ARV1: variants seen among roughly 807,000 people sequenced by gnomAD.
The protein encoded by ARV1 is ARV1 fatty acid homeostasis modulator.
ARV1 carries 26 observed loss-of-function variants against 31.1 expected under a neutral mutation model. The ratio of observed to expected loss-of-function variants is 0.84; its 90% CI spans 0.61 to 1.16. The LOEUF is 1.16. Among genes scored for constraint, ARV1 ranks in the 50% most tolerant of loss-of-function variants. The probability of loss-of-function intolerance (pLI) is 0.00; values close to 1 mark genes in which losing one functional copy is unlikely to be tolerated. For synonymous variants in ARV1, 117 were observed against 123.2 expected, an observed-to-expected ratio of 0.95 and a Z score of 0.34; for missense variants, 281 against 324.9, an observed-to-expected ratio of 0.86 and a Z score of 1.04.
In ARV1 at chr1:230,990,222, A is replaced by G; in HGVS notation, c.407A>G (p.Lys136Arg). 1 of 1,613,094 alleles carries G rather than the reference A, an allele frequency of 6.2e-7. No homozygotes were observed. ...TAPDDLIRYA[K>R]EWDFYRMFAI... Reference sequence around the variant, plus strand: ...CCTGATGACTTGATCAGATATGCTAAGGAATGGGATTTCTATAGAATGTTT... The same window carrying G: ...CCTGATGACTTGATCAGATATGCTAGGGAATGGGATTTCTATAGAATGTTT... Residue 136 changes from lysine to arginine, a missense_variant, in exon 3 of 6, where the codon AAG becomes AGG. Lys to Arg is a conservative substitution (Grantham distance 26). Coordinates refer to ENST00000310256, the MANE Select transcript of ARV1 (RefSeq NM_022786.3).
At chr1:230,994,164 CTGAT>C (rs566868055) in intron 3 of ARV1, among the ~76,000 whole-genome samples, 102 of 152,292 alleles carry the variant, frequency 6.7e-4, no homozygotes, top group African/African-American at 2.4e-3. Flanking sequence ...CTGAACTGAC[CTGAT>C]TGATGAGAGC....
chr1:230,980,723 G>A (rs1324379134), intron 1 of ARV1, among the ~76,000 whole-genome samples: 6 of 150,554 alleles, frequency 4.0e-5, no homozygotes, highest in Non-Finnish European at 7.4e-5. Context: ...GCCTTCTGCT[G>A]GATCATTCCC....
chr1:230,990,633 C>T, intron 3 of ARV1: 1 of 354,110 alleles, frequency 2.8e-6, no homozygotes, highest in Non-Finnish European at 5.7e-6. Context: ...CAGCTCACTG[C>T]AGCCCTGAAC....
Position 230,984,373 on chromosome 1 carries a change from T to TGC in ARV1, c.175-3946_175-3945insCG, listed in dbSNP as rs1332620394. Among the ~76,000 whole-genome samples, 674 of 111,104 alleles carry TGC rather than the reference T, an allele frequency of 6.1e-3. 5 individuals are homozygous for TGC. The highest frequency in any genetic ancestry group is 0.02 in the African/African-American group (600 of 29,954). 72.9% of individuals were successfully genotyped at this position (111,104 alleles called of 152,430 possible). ...GTGTGTGTGTGTGTGCGTGTGTGTG[T>TGC]GTGTGTGTGTGTGTGTGTGTGTGTG... On this transcript the variant is annotated intron_variant, in intron 1 of 5. Transcript: ENST00000310256.
At chr1:230,982,915 G>C (rs1234532036) in intron 1 of ARV1, among the ~76,000 whole-genome samples, 2 of 152,068 alleles carry the variant, frequency 1.3e-5, no homozygotes, top group African/African-American at 4.8e-5. Context: ...CGAACTTGGA[G>C]TCAGCAAGAT....
In ARV1 at chr1:230,993,629, T is replaced by G. The variant is rs921803470; in HGVS notation, c.449-2131T>G. Among the ~76,000 whole-genome samples the G allele has an allele frequency of 2.0e-5, 3 of 152,154 alleles. No homozygotes were observed. The East Asian group carries it at 5.8e-4, about 29-fold the overall frequency. On this transcript the variant is annotated intron_variant, in intron 3 of 5. Coordinates refer to ENST00000310256, the MANE Select transcript of ARV1 (RefSeq NM_022786.3). ...GAATATCTTGGCCGGGCGTGGTACCTCACACCTGTAATCCCAGCACTTTGG... is the reference window on the plus strand; with the variant it reads ...GAATATCTTGGCCGGGCGTGGTACCGCACACCTGTAATCCCAGCACTTTGG...
intron 1 of ARV1, among the ~76,000 whole-genome samples, chr1:230,984,380 G>T (rs1679002192): frequency 6.6e-6 from 1 of 151,402 alleles, no homozygotes; most frequent in Non-Finnish European, 1.5e-5. Context: ...GTGTGTGTGT[G>T]TGTGTGTGTG....
At chr1:230,988,985 A>T (rs1039760090) in intron 2 of ARV1, among the ~76,000 whole-genome samples, 7 of 152,168 alleles carry the variant, frequency 4.6e-5, no homozygotes, top group Non-Finnish European at 1.0e-4. Context: ...CAGATAACAT[A>T]CAGGACAGTC....
intron 1 of ARV1, among the ~76,000 whole-genome samples, chr1:230,984,359 TGTGC>T (rs1553303943): frequency 0.012 from 1,104 of 93,450 alleles, 6 homozygotes; most frequent in South Asian, 0.036. Context: ...TGTGTGTGTG[TGTGC>T]GTGTGTGTGT....
intron 5 of ARV1, among the ~76,000 whole-genome samples, chr1:230,999,129 T>C (rs1317188914): frequency 6.6e-6 from 1 of 152,174 alleles, no homozygotes; most frequent in East Asian, 1.9e-4. Flanking sequence ...CTGTGTACTT[T>C]CCTTCCAGGC....
At chr1:230,991,320 G>A (rs1319475574) in intron 3 of ARV1, among the ~76,000 whole-genome samples, 2 of 151,818 alleles carry the variant, frequency 1.3e-5, no homozygotes, top group African/African-American at 4.8e-5. Flanking sequence ...GTCTGCTCTC[G>A]CTCTCTTGGT....
At chr1:230,980,292 T>G (rs896332384) in intron 1 of ARV1, among the ~76,000 whole-genome samples, 9 of 152,114 alleles carry the variant, frequency 5.9e-5, no homozygotes, top group African/African-American at 2.2e-4. Flanking sequence ...TAACCTCATA[T>G]AGGCCTTTCA....
intron 3 of ARV1, among the ~76,000 whole-genome samples, 153 bp downstream of exon 3, chr1:230,990,416 G>T (rs554353181): frequency 7.0e-4 from 106 of 152,308 alleles, no homozygotes; most frequent in Non-Finnish European, 1.3e-3. Context: ...ACTAACCTAC[G>T]AGGTGAGTGT....
At chr1:230,981,320 A>C (rs541440909) in intron 1 of ARV1, among the ~76,000 whole-genome samples, 1 of 152,248 alleles carries the variant, frequency 6.6e-6, no homozygotes, top group East Asian at 1.9e-4. Context: ...TCCAGACTTA[A>C]ATGTCCAACT....
chr1:230,980,763 C>CAA (rs35414845), intron 1 of ARV1, among the ~76,000 whole-genome samples: 74 of 138,532 alleles, frequency 5.3e-4, no homozygotes, highest in East Asian at 1.8e-3. Context: ...CTTCTTCCAT[C>CAA]AAAAAAAAAA....
At chr1:230,984,361 T>TGTGTGCGC (rs10628275) in intron 1 of ARV1, among the ~76,000 whole-genome samples, 1 of 103,338 alleles carries the variant, frequency 9.7e-6, no homozygotes, top group Non-Finnish European at 1.9e-5. Context: ...TGTGTGTGTG[T>TGTGTGCGC]GCGTGTGTGT....
chr1:230,990,988 A>C (rs1205286676), intron 3 of ARV1, among the ~76,000 whole-genome samples: 3 of 152,236 alleles, frequency 2.0e-5, no homozygotes, highest in African/African-American at 7.2e-5. Context: ...ATTGCATTAT[A>C]CTAATGCAGT....
At position 230,988,318 on chromosome 1, in the gene ARV1, A is replaced by G. The variant is rs1294383261; in HGVS notation, c.175-2A>G. 3 of 1,586,838 alleles carry G rather than the reference A, an allele frequency of 1.9e-6. No individual in the cohort carries two copies. The African/African-American group carries it at 4.1e-5, about 21-fold the overall frequency. On this transcript the variant is annotated splice_acceptor_variant, in intron 1 of 5. Transcript: ENST00000310256. LOFTEE classifies it high-confidence loss of function. Reference sequence around the variant, plus strand: ...TTCTAATATTATCTTGTATTATTTCAGAAATCCTGCCAGAAACCTGTAGAC... The same window carrying G: ...TTCTAATATTATCTTGTATTATTTCGGAAATCCTGCCAGAAACCTGTAGAC...
intron 3 of ARV1, among the ~76,000 whole-genome samples, chr1:230,994,053 A>T (rs1352970539): frequency 6.6e-6 from 1 of 152,208 alleles, no homozygotes; most frequent in Non-Finnish European, 1.5e-5. Flanking sequence ...ATTTTCCCGA[A>T]GTCTCACAGT....
Sources: allele counts gnomAD v4.1 joint callset (sites outside exome capture counted in the v4.1 genomes callset), GRCh38; gene constraint gnomAD v4.1.1; transcripts MANE v1.5; gene names NCBI Gene and HGNC (gene_info 2026-07-23, HGNC 2026-07-21).